The following DNM3 variants were observed in gnomAD, a reference collection of about 807,000 sequenced individuals.
The protein encoded by DNM3 is dynamin-3.
Under a neutral mutation model 101.6 loss-of-function variants are expected in DNM3, and 47 were observed. That is an observed-to-expected ratio of 0.46 (90% CI 0.37 to 0.59). The LOEUF is 0.59. Among genes scored for constraint, DNM3 ranks in the 20% least tolerant of loss-of-function variants. The pLI, the probability that DNM3 is intolerant of heterozygous loss-of-function variation, is 0.00. For missense variants in DNM3, 849 were observed against 1,085.7 expected, an observed-to-expected ratio of 0.78 and a Z score of 3.06; for synonymous variants, 385 against 387.9, an observed-to-expected ratio of 0.99 and a Z score of 0.09.
intron 15 of DNM3, among the ~76,000 whole-genome samples, chr1:172,270,139 G>A (rs1158912402): frequency 2.0e-5 from 3 of 151,840 alleles, no homozygotes; most frequent in Admixed American, 6.6e-5. Context: ...TTTCAATTCA[G>A]TTAGAGTTGA....
At position 172,038,349 on chromosome 1, in the gene DNM3, C is replaced by G; in HGVS notation, c.880C>G (p.Pro294Ala). The G allele has an allele frequency of 6.2e-7, 1 of 1,613,324 alleles. No homozygotes were observed. Among genetic ancestry groups the G allele is most frequent in the Non-Finnish European group, 8.5e-7 (1 of 1,179,524 alleles). The change falls in exon 7 of 21, where the codon CCA (proline) becomes GCA (alanine). Residue 294 changes from proline (P) to alanine (A), a missense_variant. Coordinates refer to ENST00000627582, the MANE Select transcript of DNM3 (RefSeq NM_015569.5). ...QLTNHIRDTL[P>A]NFRNKLQGQL... The stretch of plus-strand genomic sequence containing the variant: ...TACCAACCACATTCGGGATACCCTA[C>G]CAAACTTCAGGAACAAACTACAGGG...
intron 16 of DNM3, among the ~76,000 whole-genome samples, chr1:172,320,344 GAA>G (rs2065644141): frequency 6.8e-6 from 1 of 146,908 alleles, no homozygotes; most frequent in Admixed American, 7.0e-5. Context: ...TAACTAACCT[GAA>G]CATTGTGCAC....
At chr1:172,353,083 A>C (rs2067269530) in intron 17 of DNM3, among the ~76,000 whole-genome samples, 1 of 151,998 alleles carries the variant, frequency 6.6e-6, no homozygotes, top group Non-Finnish European at 1.5e-5. Context: ...CTGATGCTCC[A>C]TCCACCAAGC....
At chr1:172,004,774 A>G (rs7546327) in intron 4 of DNM3, among the ~76,000 whole-genome samples, 52,623 of 151,772 alleles carry the variant, frequency 0.35, 12,491 homozygotes, top group African/African-American at 0.68. Context: ...TAAAAAAGAG[A>G]ACTCAGTTTA....
At chr1:172,224,641 A>G (rs1247402096) in intron 14 of DNM3, among the ~76,000 whole-genome samples, 1 of 152,222 alleles carries the variant, frequency 6.6e-6, no homozygotes, top group East Asian at 1.9e-4. Context: ...CTGCTTACTT[A>G]CATACATTTT....
rs377211320 is a variant in DNM3 at position 171,970,652 on chromosome 1, A to G, written c.236-17004A>G. Among the ~76,000 whole-genome samples, 24 of 103,330 alleles carry G rather than the reference A, an allele frequency of 2.3e-4. No individual in the cohort carries two copies. In the East Asian group the frequency reaches 4.3e-3, roughly 19 times the overall value. 67.8% of individuals were successfully genotyped at this position (103,330 alleles called of 152,430 possible). On this transcript the variant is annotated intron_variant, in intron 2 of 20. Coordinates refer to ENST00000627582, the MANE Select transcript of DNM3 (RefSeq NM_015569.5). ...CAGTTCCATCTTATGTAAGCGCTGT[A>G]TTCTAAAATTAGCTTTTAAATCAAA...
chr1:172,252,727 T>A (rs1274253044), intron 14 of DNM3, among the ~76,000 whole-genome samples: 2 of 152,160 alleles, frequency 1.3e-5, no homozygotes, highest in Non-Finnish European at 2.9e-5. Flanking sequence ...TTTTTACATG[T>A]AAATAATATT....
chr1:172,174,263 T>G (rs1426063695), intron 14 of DNM3, among the ~76,000 whole-genome samples: 2 of 151,548 alleles, frequency 1.3e-5, no homozygotes, highest in Non-Finnish European at 3.0e-5. Context: ...TTTTTTCTCC[T>G]TTTTTTCCTG....
intron 14 of DNM3, among the ~76,000 whole-genome samples, chr1:172,169,719 G>A (rs2058879406): frequency 1.3e-5 from 2 of 151,892 alleles, no homozygotes; most frequent in Non-Finnish European, 2.9e-5. Context: ...TTACTAGAAA[G>A]CATGTTTGTA....
At chr1:171,860,177 A>T (rs1190831259) in intron 1 of DNM3, among the ~76,000 whole-genome samples, 3 of 152,280 alleles carry the variant, frequency 2.0e-5, no homozygotes, top group South Asian at 2.1e-4. Context: ...TAGCTATTAT[A>T]ACTAATGCTA....
intron 1 of DNM3, among the ~76,000 whole-genome samples, chr1:171,849,401 CTGGTCCATAGTATGCA>C (rs2032635533): frequency 6.6e-6 from 1 of 152,190 alleles, no homozygotes; most frequent in Non-Finnish European, 1.5e-5. Flanking sequence ...TATCAAGTGC[CTGGTCCATAGTATGCA>C]TTCAATAACT....
At chr1:172,056,892 C>T (rs547687399) in intron 10 of DNM3, among the ~76,000 whole-genome samples, 1 of 152,192 alleles carries the variant, frequency 6.6e-6, no homozygotes, top group South Asian at 2.1e-4. Context: ...GATCAAATTA[C>T]TCTGAGCTAC....
intron 14 of DNM3, among the ~76,000 whole-genome samples, chr1:172,164,656 A>G (rs1165088584): frequency 1.3e-5 from 2 of 151,922 alleles, no homozygotes; most frequent in Admixed American, 1.3e-4. Flanking sequence ...ATCAGCCTTG[A>G]CCCTAAAGAT....
chr1:172,059,899 T>C (rs1211344720), intron 10 of DNM3, among the ~76,000 whole-genome samples: 1 of 104,432 alleles, frequency 9.6e-6, no homozygotes, highest in Admixed American at 1.1e-4. Context: ...AAAGAGGAAG[T>C]CAAATTGTCC....
At chr1:172,253,748 C>A in intron 15 of DNM3, 66 bp downstream of exon 15, 1 of 1,082,978 alleles carries the variant, frequency 9.2e-7, no homozygotes, top group Non-Finnish European at 1.3e-6. Context: ...ATTCAGAGAT[C>A]ATATTTGAAA....
intron 10 of DNM3, among the ~76,000 whole-genome samples, chr1:172,064,545 G>A (rs1324209689): frequency 1.3e-5 from 2 of 152,090 alleles, no homozygotes; most frequent in Non-Finnish European, 2.9e-5. Flanking sequence ...GATTAAATGA[G>A]ATAATGAAAT....
intron 17 of DNM3, among the ~76,000 whole-genome samples, chr1:172,364,552 G>C (rs569127262): frequency 4.8e-4 from 73 of 151,952 alleles, no homozygotes; most frequent in African/African-American, 1.7e-3. Context: ...ATAACAAATT[G>C]CAAGAGCAAG....
At chr1:172,190,253 A>G (rs631915) in intron 14 of DNM3, among the ~76,000 whole-genome samples, 74,125 of 151,628 alleles carry the variant, frequency 0.49, 19,787 homozygotes, top group African/African-American at 0.71. Context: ...ATGATTGAGA[A>G]CATGCGGTGT....
intron 14 of DNM3, among the ~76,000 whole-genome samples, chr1:172,253,080 A>G (rs1416908961): frequency 1.3e-5 from 2 of 152,162 alleles, no homozygotes; most frequent in African/African-American, 4.8e-5. Context: ...AACACTGGCT[A>G]TCAAAACTGC....
Sources: gnomAD v4.1 joint callset for allele counts (sites outside exome capture counted in the v4.1 genomes callset) on GRCh38, gnomAD v4.1.1 for gene constraint, MANE v1.5 for transcripts, NCBI Gene and HGNC (gene_info 2026-07-23, HGNC 2026-07-21) for gene names.